AGBL4: variants seen among roughly 807,000 people sequenced by gnomAD.
AGBL4 encodes AGBL carboxypeptidase 4.
AGBL4 carries 58 observed loss-of-function variants against 66.4 expected under a neutral mutation model. That is an observed-to-expected ratio of 0.87 (90% CI 0.71 to 1.09). The LOEUF (loss-of-function observed/expected upper bound fraction) is 1.09. AGBL4 is among the 50% of genes least tolerant of loss of function. The pLI, the probability that AGBL4 is intolerant of heterozygous loss-of-function variation, is 0.00. For synonymous variants in AGBL4, 234 were observed against 222.9 expected (o/e 1.05, Z -0.44); for missense variants, 579 against 631.0 (o/e 0.92, Z 0.88).
intron 5 of AGBL4, among the ~76,000 whole-genome samples, chr1:48,992,942 C>T (rs969410891): frequency 3.3e-5 from 5 of 152,074 alleles, no homozygotes; most frequent in Middle Eastern, 3.2e-3. Flanking sequence ...GCCTGGAATT[C>T]GGGACTACAA....
chr1:48,656,297 G>A (rs1247524689), intron 7 of AGBL4, among the ~76,000 whole-genome samples: 3 of 152,206 alleles, frequency 2.0e-5, no homozygotes, highest in Non-Finnish European at 4.4e-5. Flanking sequence ...ACAGTGTTTG[G>A]TTTAGGGCTG....
chr1:48,647,203 A>G lies in AGBL4; in HGVS notation c.839+6134T>C, dbSNP rs540792918. 3.2e-4 allele frequency among the ~76,000 whole-genome samples: 48 copies of G among 152,336 alleles called. No homozygotes were observed. The South Asian group carries it at 1.0e-2, about 32-fold the overall frequency. On this transcript the variant is annotated intron_variant, in intron 8 of 13. Transcript: ENST00000371839. ...ACCATGGGGTCTGCAGTTCCGTGCT[A>G]TAACGCAGAATCATTTCTGTACCAC...
intron 3 of AGBL4, among the ~76,000 whole-genome samples, chr1:49,567,652 G>A (rs1011713367): frequency 6.6e-6 from 1 of 152,088 alleles, no homozygotes; most frequent in Non-Finnish European, 1.5e-5. Context: ...GTAGTTTTCT[G>A]CACCTATCAA....
At chr1:49,769,050 T>C (rs757999179) in intron 2 of AGBL4, among the ~76,000 whole-genome samples, 5 of 152,152 alleles carry the variant, frequency 3.3e-5, no homozygotes, top group African/African-American at 9.7e-5. Context: ...GGTTTCACCA[T>C]GTTGGCCAGG....
At chr1:48,734,971 G>A (rs1461365715) in intron 6 of AGBL4, among the ~76,000 whole-genome samples, 4 of 152,176 alleles carry the variant, frequency 2.6e-5, no homozygotes, top group East Asian at 3.8e-4. Context: ...CTGCTGGCTC[G>A]GGTTCCTGGC....
intron 2 of AGBL4, among the ~76,000 whole-genome samples, chr1:49,730,352 A>G (rs1649343251): frequency 1.3e-5 from 2 of 152,190 alleles, no homozygotes; most frequent in African/African-American, 2.4e-5. Context: ...TGGTGTGAAT[A>G]AAAAGAGCTG....
At chr1:48,797,942 G>T (rs1351420007) in intron 6 of AGBL4, among the ~76,000 whole-genome samples, 1 of 152,186 alleles carries the variant, frequency 6.6e-6, no homozygotes, top group Admixed American at 6.5e-5. Flanking sequence ...ATAAACGTGT[G>T]TGCAAGTGTC....
intron 2 of AGBL4, among the ~76,000 whole-genome samples, chr1:49,768,660 C>T (rs961557123): frequency 5.9e-5 from 9 of 151,926 alleles, no homozygotes; most frequent in African/African-American, 1.2e-4. Context: ...AACATATTAC[C>T]GGAAGTCCTA....
At chr1:49,555,516 G>GATATTGGTCTAAAATT (rs1558047036) in intron 3 of AGBL4, among the ~76,000 whole-genome samples, 1 of 146,392 alleles carries the variant, frequency 6.8e-6, no homozygotes, top group Non-Finnish European at 1.5e-5. Flanking sequence ...CTAGCTAAAG[G>GATATTGGTCTAAAATT]CTTGTAAATG....
At chr1:48,683,745 T>G (rs547378053) in intron 6 of AGBL4, among the ~76,000 whole-genome samples, 1 of 152,302 alleles carries the variant, frequency 6.6e-6, no homozygotes, top group South Asian at 2.1e-4. Flanking sequence ...CTTGAACCAC[T>G]GATCAGAAGG....
chr1:49,747,635 T>A (rs1407300244), intron 2 of AGBL4, among the ~76,000 whole-genome samples: 1 of 152,152 alleles, frequency 6.6e-6, no homozygotes. Flanking sequence ...TCTTCTAAAA[T>A]TTTTCATCTC....
At chr1:49,794,738 G>T (rs1644688697) in intron 2 of AGBL4, among the ~76,000 whole-genome samples, 1 of 151,854 alleles carries the variant, frequency 6.6e-6, no homozygotes, top group Non-Finnish European at 1.5e-5. Flanking sequence ...CATAATGCAT[G>T]ACTCATAATA....
At chr1:49,689,953 A>C (rs1646855620) in intron 3 of AGBL4, among the ~76,000 whole-genome samples, 1 of 152,142 alleles carries the variant, frequency 6.6e-6, no homozygotes, top group South Asian at 2.1e-4. Flanking sequence ...TCATGAGTTA[A>C]CTGATGAAGT....
At chr1:49,171,117 A>G (rs1430180653) in intron 4 of AGBL4, among the ~76,000 whole-genome samples, 78 of 152,260 alleles carry the variant, frequency 5.1e-4, no homozygotes, top group Non-Finnish European at 1.5e-5. Flanking sequence ...AAGGGTATGA[A>G]CTCAGGGAGG....
intron 6 of AGBL4, among the ~76,000 whole-genome samples, chr1:48,762,614 T>G (rs1934396): frequency 1.6e-3 from 117 of 75,172 alleles, no homozygotes; most frequent in South Asian, 0.012. Flanking sequence ...TTTAAGGGTT[T>G]TGTGTGTGTG....
chr1:49,556,119 G>C (rs1040246764), intron 3 of AGBL4, among the ~76,000 whole-genome samples: 2 of 152,094 alleles, frequency 1.3e-5, no homozygotes, highest in Admixed American at 1.3e-4. Context: ...ACAAAGACTT[G>C]GAACCAACCC....
intron 6 of AGBL4, among the ~76,000 whole-genome samples, chr1:48,795,324 C>A (rs1394349068): frequency 1.3e-5 from 2 of 152,198 alleles, no homozygotes; most frequent in African/African-American, 2.4e-5. Flanking sequence ...TCAACTCATG[C>A]TACGTATTCC....
chr1:49,441,941 C>T (rs1405205921), intron 3 of AGBL4, among the ~76,000 whole-genome samples: 1 of 152,158 alleles, frequency 6.6e-6, no homozygotes, highest in Non-Finnish European at 1.5e-5. Flanking sequence ...CTTCCACTCA[C>T]CACGGCTGAC....
intron 3 of AGBL4, among the ~76,000 whole-genome samples, chr1:49,248,808 T>A (rs1200523392): frequency 6.6e-6 from 1 of 152,190 alleles, no homozygotes; most frequent in Admixed American, 6.5e-5. Flanking sequence ...AAGCCAGATC[T>A]TTTGGTACAT....
Sources: allele counts gnomAD v4.1 joint callset (sites outside exome capture counted in the v4.1 genomes callset), GRCh38; gene constraint gnomAD v4.1.1; transcripts MANE v1.5; gene names NCBI Gene and HGNC (gene_info 2026-07-23, HGNC 2026-07-21).